CTNNA1: variants seen among roughly 807,000 people sequenced by gnomAD.
CTNNA1 encodes the protein catenin alpha 1.
CTNNA1 carries 37 observed loss-of-function variants against 98.4 expected under a neutral mutation model. The observed-to-expected ratio is 0.38, with a 90% CI of 0.29 to 0.49. CTNNA1 has a LOEUF of 0.49. Among genes scored for constraint, CTNNA1 ranks in the 20% least tolerant of loss-of-function variants. The pLI is 0.95. For missense variants in CTNNA1, 761 were observed against 1,147.2 expected (o/e 0.66, Z 4.86); for synonymous variants, 404 against 413.2 (o/e 0.98, Z 0.27).
At chr5:138,796,341 G>A (rs1756964259) in intron 3 of CTNNA1, among the ~76,000 whole-genome samples, 1 of 152,144 alleles carries the variant, frequency 6.6e-6, no homozygotes, top group Admixed American at 6.5e-5. Context: ...CGGATAATGA[G>A]GTCAGGAGAT....
chr5:138,810,904 C>G (rs1226409330), intron 4 of CTNNA1, among the ~76,000 whole-genome samples: 1 of 150,710 alleles, frequency 6.6e-6, no homozygotes, highest in Non-Finnish European at 1.5e-5. Context: ...CACGGGGCGG[C>G]TGGCCGGGCA....
At chr5:138,871,320 A>AT (rs1750580030) in intron 7 of CTNNA1, 1 of 152,240 alleles carries the variant, frequency 6.6e-6, no homozygotes, top group Non-Finnish European at 1.5e-5. Flanking sequence ...TTCTAAAATC[A>AT]AGTTAGTGCT....
At chr5:138,880,948 C>A in intron 7 of CTNNA1, 66 of 396,672 alleles carry the variant, frequency 1.7e-4, no homozygotes, top group Middle Eastern at 3.8e-4. Context: ...AAAAAAAAAA[C>A]ACATTGAATA....
intron 7 of CTNNA1, among the ~76,000 whole-genome samples, chr5:138,877,605 G>C (rs538818772): frequency 1.3e-5 from 2 of 151,950 alleles, no homozygotes; most frequent in South Asian, 4.2e-4. Context: ...CCGCCACCAC[G>C]CCCGGCTAAT....
intron 3 of CTNNA1, among the ~76,000 whole-genome samples, chr5:138,800,975 T>G (rs1757515062): frequency 6.6e-6 from 1 of 152,228 alleles, no homozygotes; most frequent in Non-Finnish European, 1.5e-5. Flanking sequence ...TTGTATTAGC[T>G]TCATGGTGTT....
At chr5:138,910,162 A>G (rs1007552917) in intron 10 of CTNNA1, among the ~76,000 whole-genome samples, 2 of 148,800 alleles carry the variant, frequency 1.3e-5, no homozygotes, top group Non-Finnish European at 3.0e-5. Context: ...TGCTCTTTTC[A>G]TAAGGCTTGC....
chr5:138,867,297 G>C (rs1342496644), intron 7 of CTNNA1, among the ~76,000 whole-genome samples: 1 of 152,182 alleles, frequency 6.6e-6, no homozygotes, highest in Non-Finnish European at 1.5e-5. Context: ...CCTGGCATTG[G>C]GAAAAGGGTG....
chr5:138,803,081 G>A (rs984312238), intron 3 of CTNNA1, among the ~76,000 whole-genome samples: 1 of 151,884 alleles, frequency 6.6e-6, no homozygotes, highest in Non-Finnish European at 1.5e-5. Flanking sequence ...GGGATTATAG[G>A]TGCTACATAA....
chr5:138,860,359 T>C (rs113179392), intron 7 of CTNNA1, among the ~76,000 whole-genome samples: 1 of 152,330 alleles, frequency 6.6e-6, no homozygotes, highest in African/African-American at 2.4e-5. Context: ...GTCTAAATGG[T>C]ACCACTTATG....
chr5:138,904,669 A>G (rs1012547217), intron 10 of CTNNA1: 3 of 535,730 alleles, frequency 5.6e-6, no homozygotes, highest in African/African-American at 3.8e-5. Context: ...TTGAAAATGC[A>G]CAGTGGGCTG....
At chr5:138,869,989 G>A (rs1765187811) in intron 7 of CTNNA1, 1 of 152,610 alleles carries the variant, frequency 6.6e-6, no homozygotes, top group Non-Finnish European at 1.5e-5. Context: ...TTTCAAACTA[G>A]TTCTTGGTTT....
intron 7 of CTNNA1, among the ~76,000 whole-genome samples, chr5:138,864,552 A>G (rs529620700): frequency 1.2e-4 from 19 of 152,322 alleles, no homozygotes; most frequent in Admixed American, 5.9e-4. Context: ...GACTATGATC[A>G]TCCTTGCTTT....
intron 13 of CTNNA1, among the ~76,000 whole-genome samples, chr5:138,927,682 G>A (rs1193194585): frequency 6.7e-6 from 1 of 149,170 alleles, no homozygotes; most frequent in Non-Finnish European, 1.5e-5. Flanking sequence ...TGTATCTTTA[G>A]GGCCCAGAAC....
intron 1 of CTNNA1, among the ~76,000 whole-genome samples, chr5:138,774,904 C>T (rs1190053507): frequency 1.3e-5 from 2 of 152,080 alleles, no homozygotes; most frequent in Admixed American, 6.6e-5. Flanking sequence ...CCACCGCGCC[C>T]GTCCTGTGCC....
At chr5:138,766,456 T>G (rs112854956) in intron 1 of CTNNA1, among the ~76,000 whole-genome samples, 2,001 of 150,200 alleles carry the variant, frequency 0.013, 52 homozygotes, top group African/African-American at 0.04. Flanking sequence ...GTTTTGTTTT[T>G]TTTTTTTTTT....
At position 138,857,487 on chromosome 5, in the gene CTNNA1, A is replaced by T. The variant is rs185432042; in HGVS notation, c.1063-28725A>T. The stretch of plus-strand genomic sequence containing the variant: ...ATCCACTGCATTCGTTAAAAAAAAA[A>T]ATTTTTTTAAATAGAGATGGGGTCT... On this transcript the variant is annotated intron_variant, in intron 7 of 17. Transcript: ENST00000302763. Among the ~76,000 whole-genome samples the T allele has an allele frequency of 8.7e-4, 132 of 151,428 alleles. 1 individual carries two copies. Among genetic ancestry groups the T allele is most frequent in the African/African-American group, 3.0e-3 (124 of 40,844 alleles).
At chr5:138,875,733 T>C in intron 7 of CTNNA1, 1 of 985,180 alleles carries the variant, frequency 1.0e-6, no homozygotes, top group Non-Finnish European at 1.2e-6. Context: ...CACCAGCCTA[T>C]GCAAGGTAGT....
Position 138,916,177 on chromosome 5 carries a change from C to CAAAAA in CTNNA1, c.1390-1555_1390-1551dup, listed in dbSNP as rs56935188. 9.6e-4 allele frequency among the ~76,000 whole-genome samples: 111 copies of CAAAAA among 115,102 alleles called. 5 individuals are homozygous for CAAAAA. The highest frequency in any genetic ancestry group is 4.3e-3 in the Middle Eastern group (1 of 230). 75.5% of individuals were successfully genotyped at this position (115,102 alleles called of 152,430 possible). On this transcript the variant is annotated intron_variant, in intron 10 of 17. Coordinates refer to ENST00000302763, the MANE Select transcript of CTNNA1 (RefSeq NM_001903.5). The stretch of plus-strand genomic sequence containing the variant: ...GAGATAGAAAGCAAATTAGTGGTTG[C>CAAAAA]AAAAAAAAAAAAAAGAAGGGGCTAA...
In CTNNA1 at chr5:138,852,871, GCA is replaced by G. The variant is rs56929645; in HGVS notation, c.1062+25162_1062+25163del. 2.9e-3 allele frequency among the ~76,000 whole-genome samples: 445 copies of G among 151,356 alleles called. 3 individuals carry two copies. Among genetic ancestry groups the G allele is most frequent in the African/African-American group, 0.01 (417 of 41,240 alleles). On this transcript the variant is annotated intron_variant, in intron 7 of 17. Coordinates refer to ENST00000302763, the MANE Select transcript of CTNNA1 (RefSeq NM_001903.5). ...CCCTTCCCTCTTTTCGCGCGCGCGC[GCA>G]CACACACATTTTTGCATAGGTGTTT...
Sources: gnomAD v4.1 joint callset for allele counts (sites outside exome capture counted in the v4.1 genomes callset) on GRCh38, gnomAD v4.1.1 for gene constraint, MANE v1.5 for transcripts, NCBI Gene and HGNC (gene_info 2026-07-23, HGNC 2026-07-21) for gene names.